STIM2: variants seen among roughly 807,000 people sequenced by gnomAD.
STIM2 encodes the protein stromal interaction molecule 2.
A neutral mutation model predicts 85.8 loss-of-function variants in STIM2; 31 were observed. That is an observed-to-expected ratio of 0.36 (90% CI 0.27 to 0.49). STIM2 has a LOEUF of 0.49. Among genes scored for constraint, STIM2 ranks in the 20% least tolerant of loss-of-function variants. The pLI, the probability that STIM2 is intolerant of heterozygous loss-of-function variation, is 0.98. For missense variants in STIM2, 841 were observed against 927.6 expected, an observed-to-expected ratio of 0.91 and a Z score of 1.21; for synonymous variants, 356 against 331.1, an observed-to-expected ratio of 1.08 and a Z score of -0.82.
chr4:26,881,073 A>G (rs1332369873), intron 1 of STIM2, among the ~76,000 whole-genome samples: 1 of 152,128 alleles, frequency 6.6e-6, no homozygotes, highest in African/African-American at 2.4e-5. Flanking sequence ...TGAAACCTAA[A>G]CCTCAAGGTG....
chr4:26,935,678 G>A (rs1447040896), intron 2 of STIM2, among the ~76,000 whole-genome samples: 2 of 152,202 alleles, frequency 1.3e-5, no homozygotes, highest in Non-Finnish European at 2.9e-5. Context: ...TTCTGATGAA[G>A]TTTGAGAACC....
intron 1 of STIM2, among the ~76,000 whole-genome samples, chr4:26,879,018 C>A (rs566043064): frequency 9.8e-5 from 15 of 152,294 alleles, no homozygotes; most frequent in African/African-American, 3.4e-4. Context: ...CAAACCTTAT[C>A]ACCATCTAAC....
chr4:26,967,293 A>G (rs1326485932), intron 3 of STIM2, among the ~76,000 whole-genome samples: 1 of 152,252 alleles, frequency 6.6e-6, no homozygotes, highest in Admixed American at 6.5e-5. Flanking sequence ...GTAAAGGTAT[A>G]ATAATTGAAG....
At chr4:26,963,446 T>G (rs1726559627) in intron 3 of STIM2, among the ~76,000 whole-genome samples, 1 of 95,198 alleles carries the variant, frequency 1.1e-5, no homozygotes, top group South Asian at 4.5e-4. Flanking sequence ...AAGAGGAACT[T>G]AAAACGTAAG....
chr4:26,874,295 A>G (rs1722735859), intron 1 of STIM2: 1 of 387,906 alleles, frequency 2.6e-6, no homozygotes, highest in Non-Finnish European at 5.2e-6. Flanking sequence ...TGCTCCTGGT[A>G]CTGGAGAGAT....
intron 3 of STIM2, among the ~76,000 whole-genome samples, chr4:26,961,156 T>A (rs1478558871): frequency 2.6e-5 from 4 of 152,092 alleles, no homozygotes; most frequent in Non-Finnish European, 4.4e-5. Flanking sequence ...CTAGTAGAGT[T>A]GAGGTTGCTA....
intron 2 of STIM2, among the ~76,000 whole-genome samples, chr4:26,928,319 A>C (rs776470898): frequency 2.6e-5 from 4 of 152,176 alleles, no homozygotes; most frequent in Non-Finnish European, 5.9e-5. Context: ...AAAAATATTT[A>C]AATATGAAAA....
intron 10 of STIM2, among the ~76,000 whole-genome samples, chr4:27,011,419 A>G (rs1728552916): frequency 6.6e-6 from 1 of 152,172 alleles, no homozygotes; most frequent in African/African-American, 2.4e-5. Flanking sequence ...GGCCCTTACA[A>G]ACAATGTGCA....
At chr4:26,901,345 A>G (rs1183216556) in intron 1 of STIM2, among the ~76,000 whole-genome samples, 1 of 152,158 alleles carries the variant, frequency 6.6e-6, no homozygotes, top group Non-Finnish European at 1.5e-5. Context: ...TTCTGTTTAA[A>G]TACTAATTTC....
At chr4:26,920,411 A>G (rs927150519) in intron 2 of STIM2, among the ~76,000 whole-genome samples, 1 of 151,964 alleles carries the variant, frequency 6.6e-6, no homozygotes, top group Non-Finnish European at 1.5e-5. Context: ...CATTTACCCT[A>G]CCGGTCTGGT....
intron 2 of STIM2, among the ~76,000 whole-genome samples, chr4:26,921,584 C>A (rs763231797): frequency 1.3e-5 from 2 of 152,352 alleles, no homozygotes; most frequent in Middle Eastern, 3.4e-3. Context: ...ATTTGGCCTG[C>A]ATGCTGTAGT....
In STIM2 at chr4:26,861,159, C is replaced by T; in HGVS notation, c.-60C>T. 2.2e-6 allele frequency: 3 copies of T among 1,338,348 alleles called. No individual in the cohort carries two copies. The highest frequency in any genetic ancestry group is 3.1e-5 in the East Asian group (1 of 32,134). The allele number at this position is 1,338,348 out of a possible 1,614,324, so 82.9% of individuals were successfully genotyped here. A position where few individuals can be genotyped will look rare whatever the true frequency, so the allele number is the denominator to read the frequency against. On this transcript the variant is annotated 5_prime_UTR_variant, in exon 1 of 12. Coordinates refer to ENST00000467087, the MANE Select transcript of STIM2 (RefSeq NM_020860.4). Reference sequence around the variant, plus strand: ...CCCGGCTTCTCCTCGGCGCCTTCATCCCGCCTCGACTCCTGGCCCAGCGTG... The same window carrying T: ...CCCGGCTTCTCCTCGGCGCCTTCATTCCGCCTCGACTCCTGGCCCAGCGTG...
intron 3 of STIM2, among the ~76,000 whole-genome samples, chr4:26,992,544 A>T (rs1352449288): frequency 6.6e-6 from 1 of 152,080 alleles, no homozygotes; most frequent in Non-Finnish European, 1.5e-5. Context: ...AAAAGGAAAA[A>T]AAAGGTTATA....
chr4:27,003,201 C>A, intron 7 of STIM2, 97 bp downstream of exon 7: 1 of 1,150,284 alleles, frequency 8.7e-7, no homozygotes, highest in Non-Finnish European at 1.2e-6. Flanking sequence ...CATTTAGTTC[C>A]ACTGTAGTTC....
At chr4:26,992,281 G>T (rs1023936914) in intron 3 of STIM2, among the ~76,000 whole-genome samples, 1 of 152,138 alleles carries the variant, frequency 6.6e-6, no homozygotes, top group Non-Finnish European at 1.5e-5. Flanking sequence ...AATTTGTTGA[G>T]TGCCTTTATA....
At chr4:26,976,197 A>T (rs893997574) in intron 3 of STIM2, among the ~76,000 whole-genome samples, 7 of 151,438 alleles carry the variant, frequency 4.6e-5, no homozygotes, top group Non-Finnish European at 5.9e-5. Flanking sequence ...GACCCCTTGC[A>T]CTTCTCGGGT....
chr4:26,960,373 G>A lies in STIM2; in HGVS notation c.397+2647G>A, dbSNP rs187041755. On this transcript the variant is annotated intron_variant, in intron 3 of 11. Transcript: ENST00000467087. ...AAAGTGTGTATGTTTGTGTGTATGT[G>A]TGTATGTATATATATGTATATATAA... 5.3e-5 allele frequency among the ~76,000 whole-genome samples: 8 copies of A among 151,886 alleles called. No homozygotes were observed. The East Asian group carries it at 5.8e-4, about 11-fold the overall frequency.
At chr4:27,009,139 G>C (rs931630484) in intron 10 of STIM2, 137 bp downstream of exon 10, 25 of 662,018 alleles carry the variant, frequency 3.8e-5, no homozygotes, top group Admixed American at 1.8e-4. Context: ...CTTTTTGTTA[G>C]TAATTTAAAT....
At position 26,996,478 on chromosome 4, in the gene STIM2, A is replaced by G. The variant is rs190368770; in HGVS notation, c.509+988A>G. Reference sequence around the variant, plus strand: ...CAACTTCCTTACATGCCCTATTTAGATAAGTATCCTTTGTTGCTTTGAGGT... The same window carrying G: ...CAACTTCCTTACATGCCCTATTTAGGTAAGTATCCTTTGTTGCTTTGAGGT... On this transcript the variant is annotated intron_variant, in intron 4 of 11. Transcript: ENST00000467087. Among the ~76,000 whole-genome samples, 11 of 152,150 alleles carry G rather than the reference A, an allele frequency of 7.2e-5. No individual in the cohort carries two copies. The East Asian group carries it at 2.1e-3, about 29-fold the overall frequency.
Sources: gnomAD v4.1 joint callset for allele counts (sites outside exome capture counted in the v4.1 genomes callset) on GRCh38, gnomAD v4.1.1 for gene constraint, MANE v1.5 for transcripts, NCBI Gene and HGNC (gene_info 2026-07-23, HGNC 2026-07-21) for gene names.